Variants in GPM6B observed in about 807,000 individuals in gnomAD.
The protein encoded by GPM6B is glycoprotein M6B.
Under a neutral mutation model 27.2 loss-of-function variants are expected in GPM6B, and 4 were observed. The ratio of observed to expected loss-of-function variants is 0.15; its 90% CI spans 0.07 to 0.34. The LOEUF (loss-of-function observed/expected upper bound fraction) is 0.34. GPM6B is among the 10% of genes least tolerant of loss of function. GPM6B has a pLI of 1.00. For synonymous variants in GPM6B, 124 were observed against 103.1 expected (o/e 1.20, Z -1.23); for missense variants, 183 against 261.9 (o/e 0.70, Z 2.08).
Position 13,834,653 on chromosome X carries a change from C to T in GPM6B, c.-197-48845G>A, listed in dbSNP as rs2049476699. Among the ~76,000 whole-genome samples, 13 of 111,526 alleles carry T rather than the reference C, an allele frequency of 1.2e-4. 1 individual carries two copies. The Admixed American group carries it at 1.2e-3, about 11-fold the overall frequency. ...AATAAAACTCTGGGATGGAGCTTGT[C>T]AACCTGTCTCTGTCAGAGTATAGTA... On this transcript the variant is annotated intron_variant, in intron 1 of 6. Transcript: ENST00000398361.
chrX:13,931,190 AAAAAC>A (rs903091992), intron 1 of GPM6B, among the ~76,000 whole-genome samples: 1 of 77,615 alleles, frequency 1.3e-5, no homozygotes, highest in African/African-American at 4.5e-5. Flanking sequence ...TCAAAAAAAC[AAAAAC>A]AAAACAACAA....
chrX:13,891,574 A>G (rs1289451550), intron 1 of GPM6B, among the ~76,000 whole-genome samples: 2 of 112,469 alleles, frequency 1.8e-5, no homozygotes, highest in African/African-American at 6.5e-5. Context: ...CATTGTGGAC[A>G]TTTGTCTGAG....
At chrX:13,916,856 T>C (rs144607480) in intron 1 of GPM6B, among the ~76,000 whole-genome samples, 2,505 of 111,032 alleles carry the variant, frequency 0.023, 73 homozygotes, top group East Asian at 0.19. Flanking sequence ...TTATAACTTC[T>C]GCTAGCTTAA....
intron 1 of GPM6B, among the ~76,000 whole-genome samples, chrX:13,875,720 C>T (rs763769702): frequency 5.3e-5 from 6 of 112,190 alleles, no homozygotes; most frequent in African/African-American, 9.7e-5. Context: ...GCACATGCTA[C>T]GACATGGATG....
intron 1 of GPM6B, chrX:13,889,331 C>T (rs998410106): frequency 1.8e-5 from 2 of 111,656 alleles, no homozygotes; most frequent in African/African-American, 6.5e-5. Flanking sequence ...GGGAGGTTAA[C>T]ATATGTACTA....
intron 3 of GPM6B, chrX:13,783,905 C>A: frequency 3.0e-6 from 1 of 331,607 alleles, no homozygotes; most frequent in East Asian, 9.5e-5. Context: ...AACCCTGGCC[C>A]AATGGACAAC....
At chrX:13,793,330 T>G (rs2048749182) in intron 2 of GPM6B, among the ~76,000 whole-genome samples, 2 of 111,490 alleles carry the variant, frequency 1.8e-5, no homozygotes, top group African/African-American at 6.5e-5. Context: ...ATTGAACCAA[T>G]GTACATCTCA....
At chrX:13,828,413 C>T (rs886927362) in intron 1 of GPM6B, among the ~76,000 whole-genome samples, 3 of 111,310 alleles carry the variant, frequency 2.7e-5, no homozygotes, top group Non-Finnish European at 3.8e-5. Flanking sequence ...TTGGGACTGT[C>T]CCCATCAGCA....
intron 2 of GPM6B, among the ~76,000 whole-genome samples, chrX:13,789,607 C>T (rs1240678368): frequency 9.0e-6 from 1 of 110,614 alleles, no homozygotes; most frequent in Admixed American, 9.6e-5. Flanking sequence ...AACCCCGTCT[C>T]TACTAAAAAT....
intron 2 of GPM6B, among the ~76,000 whole-genome samples, chrX:13,788,651 G>C (rs963003188): frequency 1.8e-5 from 2 of 109,869 alleles, no homozygotes; most frequent in South Asian, 3.9e-4. Context: ...GCCCTTTAAC[G>C]ATAGAACTCA....
intron 1 of GPM6B, among the ~76,000 whole-genome samples, chrX:13,828,796 CACT>C (rs772156885): frequency 2.7e-5 from 3 of 111,822 alleles, no homozygotes; most frequent in Non-Finnish European, 3.8e-5. Flanking sequence ...TCAGCACCAG[CACT>C]ACTACAATAA....
In GPM6B at chrX:13,861,039, C is replaced by CATATATACATATATAT. The variant is rs1569267287; in HGVS notation, c.-197-75232_-197-75231insATATATATGTATATAT. Among the ~76,000 whole-genome samples the CATATATACATATATAT allele has an allele frequency of 7.2e-5, 3 of 41,786 alleles. No homozygotes were observed. The East Asian group carries it at 3.0e-3, about 42-fold the overall frequency. 36.3% of individuals were successfully genotyped at this position (41,786 alleles called of 115,157 possible). Reference sequence around the variant, plus strand: ...ACACACACACACACACACACACACACACACATATATACATATATATACACA... The same window carrying CATATATACATATATAT: ...ACACACACACACACACACACACACACATATATACATATATATACACATATATACATATATATACACA... On this transcript the variant is annotated intron_variant, in intron 1 of 6. Transcript: ENST00000398361.
chrX:13,793,003 A>T (rs976594883), intron 2 of GPM6B, among the ~76,000 whole-genome samples: 8 of 109,205 alleles, frequency 7.3e-5, no homozygotes, highest in African/African-American at 2.7e-4. Context: ...GCCTGAAAAA[A>T]CTAGTTCAGG....
intron 1 of GPM6B, among the ~76,000 whole-genome samples, chrX:13,862,300 G>C (rs2049861753): frequency 9.0e-6 from 1 of 111,680 alleles, no homozygotes; most frequent in African/African-American, 3.3e-5. Context: ...AAAGAGGGGA[G>C]AGACAATGGG....
At chrX:13,909,961 C>T (rs1414547246) in intron 1 of GPM6B, among the ~76,000 whole-genome samples, 1 of 111,890 alleles carries the variant, frequency 8.9e-6, no homozygotes, top group African/African-American at 3.2e-5. Flanking sequence ...CCCTCCTACC[C>T]GTCAATAAGG....
intron 2 of GPM6B, among the ~76,000 whole-genome samples, chrX:13,792,078 C>T (rs1214204744): frequency 1.8e-5 from 2 of 112,094 alleles, no homozygotes; most frequent in Non-Finnish European, 1.9e-5. Flanking sequence ...ATGGAGAGGG[C>T]GAAAATCCTA....
At chrX:13,923,608 AG>A (rs1921029536) in intron 1 of GPM6B, among the ~76,000 whole-genome samples, 1 of 112,608 alleles carries the variant, frequency 8.9e-6, no homozygotes, top group Non-Finnish European at 1.9e-5. Context: ...TAGGGAAACT[AG>A]GTAATCTTGA....
chrX:13,877,824 CAAAAAAAA>C (rs761891419), intron 1 of GPM6B, among the ~76,000 whole-genome samples: 4 of 27,464 alleles, frequency 1.5e-4, no homozygotes, highest in African/African-American at 3.7e-4. Flanking sequence ...CAGACTCTGC[CAAAAAAAA>C]AAAAAAAAAA....
chrX:13,892,001 A>G (rs1283783570), intron 1 of GPM6B, among the ~76,000 whole-genome samples: 1 of 111,668 alleles, frequency 9.0e-6, no homozygotes, highest in Non-Finnish European at 1.9e-5. Context: ...CAGGCAGAAA[A>G]TTCTGCCTAC....
Sources: allele counts gnomAD v4.1 joint callset (sites outside exome capture counted in the v4.1 genomes callset), GRCh38; gene constraint gnomAD v4.1.1; transcripts MANE v1.5; gene names NCBI Gene and HGNC (gene_info 2026-07-23, HGNC 2026-07-21).